The following DYNC1I1 variants were observed in gnomAD, a reference collection of about 807,000 sequenced individuals.
DYNC1I1 encodes dynein cytoplasmic 1 intermediate chain 1.
Under a neutral mutation model 86.6 loss-of-function variants are expected in DYNC1I1, and 43 were observed. The observed-to-expected ratio is 0.50, with a 90% CI of 0.39 to 0.64. DYNC1I1 has a LOEUF of 0.64. Ranked by LOEUF, DYNC1I1 falls within the 30% of genes least tolerant of loss-of-function variation. DYNC1I1 has a pLI of 0.00. For missense variants in DYNC1I1, 604 were observed against 788.8 expected, an observed-to-expected ratio of 0.77 and a Z score of 2.81; for synonymous variants, 262 against 283.7, an observed-to-expected ratio of 0.92 and a Z score of 0.77.
intron 9 of DYNC1I1, among the ~76,000 whole-genome samples, chr7:95,995,073 C>A (rs1793827048): frequency 6.6e-6 from 1 of 151,788 alleles, no homozygotes; most frequent in Admixed American, 6.6e-5. Context: ...CGGTGAAACC[C>A]CGTCTCTACT....
chr7:96,065,413 C>T (rs1284737969), intron 14 of DYNC1I1, among the ~76,000 whole-genome samples: 2 of 140,616 alleles, frequency 1.4e-5, no homozygotes, highest in African/African-American at 5.4e-5. Context: ...GGTCTCTCTC[C>T]GTGGCTTAGG....
At chr7:95,842,443 G>T (rs937227414) in intron 5 of DYNC1I1, among the ~76,000 whole-genome samples, 1 of 152,186 alleles carries the variant, frequency 6.6e-6, no homozygotes, top group Non-Finnish European at 1.5e-5. Flanking sequence ...GGTGATAGAC[G>T]TGGGGCTTTG....
At chr7:95,841,322 T>G (rs1457258076) in intron 5 of DYNC1I1, among the ~76,000 whole-genome samples, 1 of 152,050 alleles carries the variant, frequency 6.6e-6, no homozygotes, top group Non-Finnish European at 1.5e-5. Flanking sequence ...CCCTGTTAGC[T>G]CCAAGAAACA....
At chr7:95,878,964 A>AC (rs397801152) in intron 6 of DYNC1I1, among the ~76,000 whole-genome samples, 5 of 150,858 alleles carry the variant, frequency 3.3e-5, no homozygotes, top group African/African-American at 1.2e-4. Context: ...AAAAAAAAAA[A>AC]CAACTATCAA....
chr7:95,957,240 C>G (rs1392395929), intron 6 of DYNC1I1, among the ~76,000 whole-genome samples: 2 of 152,188 alleles, frequency 1.3e-5, no homozygotes, highest in East Asian at 3.9e-4. Flanking sequence ...TAAGACATCT[C>G]TCTGTCAGAG....
chr7:96,007,534 A>G (rs1188722320), intron 10 of DYNC1I1, among the ~76,000 whole-genome samples: 3 of 152,236 alleles, frequency 2.0e-5, no homozygotes, highest in Admixed American at 1.3e-4. Context: ...ACTAGTTCAT[A>G]TCAATGATGT....
chr7:95,949,600 A>C (rs1792497928), intron 6 of DYNC1I1, among the ~76,000 whole-genome samples: 1 of 152,208 alleles, frequency 6.6e-6, no homozygotes. Flanking sequence ...GGATTGTTAG[A>C]ACTGGTAGAT....
intron 10 of DYNC1I1, among the ~76,000 whole-genome samples, chr7:96,027,801 A>G (rs950351917): frequency 2.0e-5 from 3 of 152,218 alleles, no homozygotes; most frequent in African/African-American, 4.8e-5. Flanking sequence ...TTGCTTAGTA[A>G]AGGCTTTAGT....
chr7:96,021,664 C>T (rs1794554756), intron 10 of DYNC1I1, among the ~76,000 whole-genome samples: 1 of 152,022 alleles, frequency 6.6e-6, no homozygotes, highest in Non-Finnish European at 1.5e-5. Context: ...GTAGTCATTC[C>T]TCATTCCTTC....
intron 6 of DYNC1I1, among the ~76,000 whole-genome samples, chr7:95,935,517 G>A (rs192452241): frequency 3.2e-4 from 49 of 152,106 alleles, no homozygotes; most frequent in Admixed American, 1.2e-3. Context: ...GGATCATACA[G>A]CAATTTTATT....
chr7:96,015,642 C>T (rs1298192562), intron 10 of DYNC1I1, among the ~76,000 whole-genome samples: 4 of 152,122 alleles, frequency 2.6e-5, no homozygotes, highest in Admixed American at 6.5e-5. Context: ...TGTTGAATTT[C>T]CAAGTACACA....
At chr7:95,853,511 T>C (rs942555670) in intron 5 of DYNC1I1, among the ~76,000 whole-genome samples, 1 of 152,216 alleles carries the variant, frequency 6.6e-6, no homozygotes, top group African/African-American at 2.4e-5. Flanking sequence ...CAGTTTGTGG[T>C]ATTCTGTTAT....
At chr7:95,912,968 G>C (rs1284438728) in intron 6 of DYNC1I1, among the ~76,000 whole-genome samples, 1 of 152,112 alleles carries the variant, frequency 6.6e-6, no homozygotes, top group Non-Finnish European at 1.5e-5. Context: ...ACCAACTTTT[G>C]CAAGTTGGCT....
intron 6 of DYNC1I1, among the ~76,000 whole-genome samples, chr7:95,927,416 A>G (rs2116397580): frequency 6.6e-6 from 1 of 152,256 alleles, no homozygotes; most frequent in South Asian, 2.1e-4. Context: ...AGTGTTAGGG[A>G]TGGGGTGATA....
intron 6 of DYNC1I1, among the ~76,000 whole-genome samples, chr7:95,902,877 G>A (rs1466339736): frequency 6.6e-6 from 1 of 152,118 alleles, no homozygotes; most frequent in African/African-American, 2.4e-5. Flanking sequence ...TTTCAGTTTA[G>A]TTTAATTCAT....
At chr7:96,044,226 TA>T (rs911859804) in intron 14 of DYNC1I1, among the ~76,000 whole-genome samples, 1 of 152,160 alleles carries the variant, frequency 6.6e-6, no homozygotes, top group Non-Finnish European at 1.5e-5. Context: ...AAATTTTCTA[TA>T]ATAAAGAACC....
At chr7:95,906,595 AT>A (rs541833829) in intron 6 of DYNC1I1, among the ~76,000 whole-genome samples, 2 of 146,660 alleles carry the variant, frequency 1.4e-5, no homozygotes, top group South Asian at 2.2e-4. Context: ...ATTAGCCTTA[AT>A]TTTTTTTTCA....
chr7:96,061,712 T>TCACACACACACACACA (rs147547424), intron 14 of DYNC1I1, among the ~76,000 whole-genome samples: 114 of 136,912 alleles, frequency 8.3e-4, no homozygotes, highest in African/African-American at 3.0e-3. Flanking sequence ...TCTCTCTCTC[T>TCACACACACACACACA]CACACACACA....
chr7:95,964,912 G>A (rs1283067780), intron 6 of DYNC1I1, among the ~76,000 whole-genome samples: 9 of 152,186 alleles, frequency 5.9e-5, no homozygotes, highest in Non-Finnish European at 1.0e-4. Flanking sequence ...GCTGTGAGGT[G>A]TGAGTTCTTG....
Sources: gnomAD v4.1 joint callset for allele counts (sites outside exome capture counted in the v4.1 genomes callset) on GRCh38, gnomAD v4.1.1 for gene constraint, MANE v1.5 for transcripts, NCBI Gene and HGNC (gene_info 2026-07-23, HGNC 2026-07-21) for gene names.